ATL1: variants seen among roughly 807,000 people sequenced by gnomAD.
ATL1 encodes the protein atlastin-1.
Under a neutral mutation model 75.5 loss-of-function variants are expected in ATL1, and 31 were observed. The ratio of observed to expected loss-of-function variants is 0.41; its 90% CI spans 0.31 to 0.55. ATL1 has a LOEUF of 0.55. Among genes scored for constraint, ATL1 ranks in the 20% least tolerant of loss-of-function variants. ATL1 has a pLI of 0.27. For missense variants in ATL1, 405 were observed against 662.6 expected, an observed-to-expected ratio of 0.61 and a Z score of 4.27; for synonymous variants, 226 against 233.3, an observed-to-expected ratio of 0.97 and a Z score of 0.28.
At chr14:50,567,532 A>C (rs181537604) in intron 1 of ATL1, among the ~76,000 whole-genome samples, 16 of 152,266 alleles carry the variant, frequency 1.1e-4, no homozygotes, top group African/African-American at 3.6e-4. Flanking sequence ...GTTTTAAGGA[A>C]CTGCTATACT....
chr14:50,575,294 C>G (rs2038995616), intron 1 of ATL1, among the ~76,000 whole-genome samples: 1 of 151,990 alleles, frequency 6.6e-6, no homozygotes, highest in African/African-American at 2.4e-5. Flanking sequence ...ACTGACTCAA[C>G]TTCTTCCAAG....
chr14:50,534,652 A>G (rs1469430237), intron 1 of ATL1, among the ~76,000 whole-genome samples: 1 of 152,266 alleles, frequency 6.6e-6, no homozygotes, highest in Non-Finnish European at 1.5e-5. Context: ...CTAGAGGCAG[A>G]TAGCATGGAA....
At chr14:50,617,312 G>A (rs983676385) in intron 8 of ATL1, among the ~76,000 whole-genome samples, 2 of 152,200 alleles carry the variant, frequency 1.3e-5, no homozygotes, top group Non-Finnish European at 2.9e-5. Context: ...TTTATTGGGT[G>A]CTTACTGAAT....
chr14:50,616,141 G>T (rs978638612), intron 8 of ATL1, among the ~76,000 whole-genome samples: 1 of 151,828 alleles, frequency 6.6e-6, no homozygotes, highest in African/African-American at 2.4e-5. Flanking sequence ...CTAAAGGCAC[G>T]CACCACCATG....
At chr14:50,617,404 A>G (rs963858884) in intron 8 of ATL1, among the ~76,000 whole-genome samples, 10 of 152,190 alleles carry the variant, frequency 6.6e-5, no homozygotes, top group African/African-American at 2.4e-4. Flanking sequence ...TCTGCGTTAT[A>G]GTACCATATG....
At chr14:50,605,298 A>G (rs770541121) in intron 6 of ATL1, among the ~76,000 whole-genome samples, 1 of 151,800 alleles carries the variant, frequency 6.6e-6, no homozygotes, top group Non-Finnish European at 1.5e-5. Context: ...TTCCTGATTC[A>G]TAGAGAACAG....
At chr14:50,582,456 C>T (rs894690258) in intron 1 of ATL1, among the ~76,000 whole-genome samples, 5 of 150,254 alleles carry the variant, frequency 3.3e-5, no homozygotes, top group Non-Finnish European at 5.9e-5. Context: ...GTCACCCAGG[C>T]TGGCGTGCAG....
chr14:50,619,743 A>C (rs1357278729), intron 8 of ATL1, among the ~76,000 whole-genome samples: 1 of 152,114 alleles, frequency 6.6e-6, no homozygotes, highest in African/African-American at 2.4e-5. Context: ...GCTGAGTTCC[A>C]CCACTAGAGG....
At chr14:50,621,933 C>T (rs774414333) in intron 10 of ATL1, 34 bp downstream of exon 10, 9 of 1,402,454 alleles carry the variant, frequency 6.4e-6, no homozygotes, top group Middle Eastern at 1.8e-4. Context: ...TTTTAAGACA[C>T]GTGACTAAGG....
intron 1 of ATL1, among the ~76,000 whole-genome samples, chr14:50,538,694 AG>A (rs1675378355): frequency 2.0e-5 from 3 of 152,222 alleles, no homozygotes; most frequent in African/African-American, 7.2e-5. Context: ...GCAGGATTCC[AG>A]TAAGTTCTCC....
chr14:50,621,831 CTT>C lies in ATL1; in HGVS notation c.991-4_991-3del. On this transcript the variant is annotated splice_polypyrimidine_tract_variant and intron_variant, in intron 9 of 13. Transcript: ENST00000358385. ...GAATTGCTTGAACATGAATCTTTTT[CTT>C]TTTTTTTAGGCTTATATAAAGATCT... 2.0e-6 allele frequency: 3 copies of C among 1,509,550 alleles called. No individual in the cohort carries two copies. Among genetic ancestry groups the C allele is most frequent in the Non-Finnish European group, 2.7e-6 (3 of 1,091,398 alleles). 93.5% of individuals were successfully genotyped at this position (1,509,550 alleles called of 1,614,324 possible). A position where few individuals can be genotyped will look rare whatever the true frequency, so the allele number is the denominator to read the frequency against.
intron 11 of ATL1, among the ~76,000 whole-genome samples, chr14:50,626,105 T>C (rs1263488954): frequency 6.6e-6 from 1 of 152,206 alleles, no homozygotes; most frequent in Non-Finnish European, 1.5e-5. Context: ...AGAGCGCTGA[T>C]GGAGATGTAT....
intron 1 of ATL1, among the ~76,000 whole-genome samples, chr14:50,572,570 T>G (rs1044237272): frequency 1.8e-4 from 27 of 152,232 alleles, no homozygotes; most frequent in African/African-American, 6.3e-4. Flanking sequence ...TGATTTCTCC[T>G]TTTTTCTTTT....
At position 50,597,539 on chromosome 14, in the gene ATL1, T is replaced by C. The variant is rs1380180997; in HGVS notation, c.630+1907T>C. Among the ~76,000 whole-genome samples the C allele has an allele frequency of 3.9e-5, 6 of 152,320 alleles. No homozygotes were observed. The South Asian group carries it at 8.3e-4, about 21-fold the overall frequency. On this transcript the variant is annotated intron_variant, in intron 6 of 13. Transcript: ENST00000358385. The stretch of plus-strand genomic sequence containing the variant: ...GGAAGGGACACACAGGAAGCTTCAA[T>C]GTTATTGGCATTTTCAATTATTTAA...
chr14:50,571,971 A>G (rs2038959035), intron 1 of ATL1: 10 of 448,542 alleles, frequency 2.2e-5, no homozygotes, highest in Admixed American at 1.1e-4. Context: ...CACCATTCCA[A>G]TATTGTTTTG....
intron 1 of ATL1, among the ~76,000 whole-genome samples, chr14:50,542,098 T>A (rs2038571308): frequency 6.6e-6 from 1 of 150,854 alleles, no homozygotes; most frequent in Non-Finnish European, 1.5e-5. Context: ...AAGGCAACTC[T>A]TGATTTACTT....
chr14:50,543,291 T>C (rs1392383770), intron 1 of ATL1, among the ~76,000 whole-genome samples: 3 of 152,256 alleles, frequency 2.0e-5, no homozygotes, highest in African/African-American at 7.2e-5. Flanking sequence ...CCCAGTATGA[T>C]ACTGTTCCCT....
intron 11 of ATL1, among the ~76,000 whole-genome samples, chr14:50,624,651 T>C (rs1168288596): frequency 6.6e-6 from 1 of 152,024 alleles, no homozygotes; most frequent in Non-Finnish European, 1.5e-5. Flanking sequence ...AATCAAAAGC[T>C]AGAAATGACT....
chr14:50,620,317 T>C (rs1438048583), intron 8 of ATL1, among the ~76,000 whole-genome samples: 39 of 152,140 alleles, frequency 2.6e-4, no homozygotes, highest in Non-Finnish European at 4.4e-5. Flanking sequence ...ATGGGCTACA[T>C]ACAAAGCATA....
Sources: allele counts gnomAD v4.1 joint callset (sites outside exome capture counted in the v4.1 genomes callset), GRCh38; gene constraint gnomAD v4.1.1; transcripts MANE v1.5; gene names NCBI Gene and HGNC (gene_info 2026-07-23, HGNC 2026-07-21).